MARCHF3: variants seen among roughly 807,000 people sequenced by gnomAD.
The protein encoded by MARCHF3 is membrane associated ring-CH-type finger 3.
In MARCHF3, 13 loss-of-function variants were observed where a neutral mutation model predicts 24.2. The ratio of observed to expected loss-of-function variants is 0.54; its 90% CI spans 0.35 to 0.85. The LOEUF is 0.85. MARCHF3 is among the 40% of genes least tolerant of loss of function. The pLI is 0.01. For missense variants in MARCHF3, 276 were observed against 325.0 expected (o/e 0.85, Z 1.16); for synonymous variants, 144 against 137.3 (o/e 1.05, Z -0.34).
At chr5:127,019,485 T>G (rs1752728187) in intron 1 of MARCHF3, among the ~76,000 whole-genome samples, 1 of 152,240 alleles carries the variant, frequency 6.6e-6, no homozygotes, top group African/African-American at 2.4e-5. Flanking sequence ...ATCAGTGAGT[T>G]GAGAAGTCCT....
intron 3 of MARCHF3, among the ~76,000 whole-genome samples, chr5:126,882,483 A>C (rs1263585950): frequency 6.6e-6 from 1 of 152,174 alleles, no homozygotes; most frequent in African/African-American, 2.4e-5. Flanking sequence ...CATAATAGAC[A>C]AGGGGTTGAC....
Position 127,008,820 on chromosome 5 carries a change from C to G in MARCHF3, c.-57+21530G>C, listed in dbSNP as rs1004513819. On this transcript the variant is annotated intron_variant, in intron 1 of 4. Coordinates refer to ENST00000308660, the MANE Select transcript of MARCHF3 (RefSeq NM_178450.5). The stretch of plus-strand genomic sequence containing the variant: ...AGACAACCTGGTCCAGTGACCGAAC[C>G]CTATTTTAAGAGTCTGAAAGGACAG... Among the ~76,000 whole-genome samples, 3 of 150,748 alleles carry G rather than the reference C, an allele frequency of 2.0e-5. No homozygotes were observed. The Admixed American group carries it at 2.0e-4, about 10-fold the overall frequency.
At chr5:126,980,551 A>C (rs1197156590) in intron 1 of MARCHF3, among the ~76,000 whole-genome samples, 1 of 151,970 alleles carries the variant, frequency 6.6e-6, no homozygotes, top group Non-Finnish European at 1.5e-5. Context: ...TTTGTATTTT[A>C]GTAGAGACAG....
chr5:126,912,136 G>A (rs1360046147), intron 3 of MARCHF3, among the ~76,000 whole-genome samples: 1 of 152,208 alleles, frequency 6.6e-6, no homozygotes, highest in Non-Finnish European at 1.5e-5. Context: ...AGCAGCCAGT[G>A]TACATACAAC....
At chr5:126,913,764 A>G (rs560850707) in intron 3 of MARCHF3, among the ~76,000 whole-genome samples, 2 of 152,192 alleles carry the variant, frequency 1.3e-5, no homozygotes, top group East Asian at 1.9e-4. Flanking sequence ...GCTCTCTAGC[A>G]TCTTAAGCCT....
intron 1 of MARCHF3, among the ~76,000 whole-genome samples, chr5:126,971,448 C>CAAAA (rs60881844): frequency 1.4e-4 from 13 of 89,734 alleles, no homozygotes; most frequent in Admixed American, 2.5e-4. Flanking sequence ...GACTCTGTCT[C>CAAAA]AAAAAAAAAA....
intron 1 of MARCHF3, among the ~76,000 whole-genome samples, chr5:127,018,098 C>A (rs538510564): frequency 6.6e-6 from 1 of 152,166 alleles, no homozygotes; most frequent in Non-Finnish European, 1.5e-5. Context: ...AAGCCACGTG[C>A]GGCAGCTCAT....
At chr5:126,986,451 C>G (rs1751570774) in intron 1 of MARCHF3, among the ~76,000 whole-genome samples, 1 of 151,916 alleles carries the variant, frequency 6.6e-6, no homozygotes, top group Admixed American at 6.6e-5. Flanking sequence ...GTGAATAAAC[C>G]CTTTAAAAAT....
chr5:127,003,299 C>G (rs1008479718), intron 1 of MARCHF3, among the ~76,000 whole-genome samples: 7 of 146,638 alleles, frequency 4.8e-5, no homozygotes, highest in Admixed American at 3.4e-4. Context: ...AAACCCGTCT[C>G]TACTAAAAAT....
chr5:126,910,933 G>T (rs1295079505), intron 3 of MARCHF3, among the ~76,000 whole-genome samples: 1 of 152,228 alleles, frequency 6.6e-6, no homozygotes, highest in South Asian at 2.1e-4. Context: ...CTGAGAAATA[G>T]AATGCGTCCC....
At position 126,983,900 on chromosome 5, in the gene MARCHF3, T is replaced by C. The variant is rs143207703; in HGVS notation, c.-57+46450A>G. On this transcript the variant is annotated intron_variant, in intron 1 of 4. Transcript: ENST00000308660. ...TTTTTCATGTTTAGTGTTGGCTATT[T>C]TTTCCCAACTCCAACATTGAGAAAT... is the stretch of plus-strand genomic sequence containing the variant. Among the ~76,000 whole-genome samples, 14 of 152,290 alleles carry C rather than the reference T, an allele frequency of 9.2e-5. No homozygotes were observed. In the East Asian group the frequency reaches 2.7e-3, roughly 29 times the overall value.
At chr5:126,918,431 T>C (rs1018488321) in intron 1 of MARCHF3, among the ~76,000 whole-genome samples, 9 of 152,112 alleles carry the variant, frequency 5.9e-5, no homozygotes, top group Non-Finnish European at 1.3e-4. Context: ...AGATATGGTA[T>C]GAATAAGACA....
At chr5:126,982,846 G>C (rs1751435009) in intron 1 of MARCHF3, among the ~76,000 whole-genome samples, 1 of 152,186 alleles carries the variant, frequency 6.6e-6, no homozygotes, top group African/African-American at 2.4e-5. Flanking sequence ...TATATGCCTT[G>C]TTCTGAATTG....
chr5:126,964,441 A>G (rs1038625132), intron 1 of MARCHF3, among the ~76,000 whole-genome samples: 3 of 152,150 alleles, frequency 2.0e-5, no homozygotes, highest in Non-Finnish European at 4.4e-5. Context: ...GGAAGATATA[A>G]TACTAGCAAC....
At chr5:126,933,861 C>G (rs1487489002) in intron 1 of MARCHF3, among the ~76,000 whole-genome samples, 1 of 152,188 alleles carries the variant, frequency 6.6e-6, no homozygotes, top group East Asian at 1.9e-4. Flanking sequence ...TTACCCATTA[C>G]TGTGGAGGTT....
chr5:126,946,904 T>C (rs996908130), intron 1 of MARCHF3, among the ~76,000 whole-genome samples: 1 of 152,002 alleles, frequency 6.6e-6, no homozygotes, highest in Non-Finnish European at 1.5e-5. Flanking sequence ...CCCAACCAAT[T>C]GGCACATGAA....
intron 1 of MARCHF3, among the ~76,000 whole-genome samples, chr5:126,985,574 A>T (rs956185126): frequency 1.3e-5 from 2 of 151,694 alleles, no homozygotes; most frequent in Non-Finnish European, 2.9e-5. Context: ...GGTTCAAGCA[A>T]TTCCCCTGCC....
chr5:127,006,839 C>T (rs774772792), intron 1 of MARCHF3, among the ~76,000 whole-genome samples: 3 of 152,128 alleles, frequency 2.0e-5, no homozygotes, highest in Non-Finnish European at 4.4e-5. Flanking sequence ...ACATTAGTAA[C>T]GTCCCGCAGC....
intron 1 of MARCHF3, among the ~76,000 whole-genome samples, chr5:126,937,296 C>T (rs1749676946): frequency 6.6e-6 from 1 of 152,214 alleles, no homozygotes; most frequent in South Asian, 2.1e-4. Context: ...TTTCCTCATA[C>T]ATCTACAATG....
Sources: allele counts gnomAD v4.1 joint callset (sites outside exome capture counted in the v4.1 genomes callset), GRCh38; gene constraint gnomAD v4.1.1; transcripts MANE v1.5; gene names NCBI Gene and HGNC (gene_info 2026-07-23, HGNC 2026-07-21).